CSMD1: variants seen among roughly 807,000 people sequenced by gnomAD.
CSMD1 encodes CUB and sushi domain-containing protein 1.
CSMD1 carries 213 observed loss-of-function variants against 417.5 expected under a neutral mutation model. The ratio of observed to expected loss-of-function variants is 0.51; its 90% CI spans 0.46 to 0.57. CSMD1 has a LOEUF of 0.57. Among genes scored for constraint, CSMD1 ranks in the 20% least tolerant of loss-of-function variants. The pLI is 0.00. For synonymous variants in CSMD1, 2,862 were observed against 1,736.8 expected, an observed-to-expected ratio of 1.65 and a Z score of -16.11; for missense variants, 6,923 against 4,529.7, an observed-to-expected ratio of 1.53 and a Z score of -15.17.
chr8:4,247,794 G>T (rs1292096877), intron 3 of CSMD1, among the ~76,000 whole-genome samples: 2 of 152,106 alleles, frequency 1.3e-5, no homozygotes, highest in African/African-American at 2.4e-5. Context: ...AAAAAGTACT[G>T]TGGGAGCCAA....
At chr8:3,277,193 A>C (rs1802359349) in intron 26 of CSMD1, among the ~76,000 whole-genome samples, 1 of 152,110 alleles carries the variant, frequency 6.6e-6, no homozygotes, top group Non-Finnish European at 1.5e-5. Context: ...AAAATTGCTT[A>C]GGGGAAGTTT....
chr8:3,096,813 C>G (rs368434668), intron 47 of CSMD1, 36 bp downstream of exon 47: 1 of 1,304,714 alleles, frequency 7.7e-7, no homozygotes, highest in Non-Finnish European at 1.1e-6. Flanking sequence ...TCAATGATGC[C>G]GAGGTCACTG....
intron 4 of CSMD1, among the ~76,000 whole-genome samples, chr8:4,017,232 C>T (rs763812957): frequency 1.3e-5 from 2 of 152,132 alleles, no homozygotes; most frequent in Admixed American, 6.5e-5. Flanking sequence ...ATTGTCAGCA[C>T]TATTTTTTTC....
intron 3 of CSMD1, among the ~76,000 whole-genome samples, chr8:4,167,445 C>G (rs1396069132): frequency 1.3e-5 from 2 of 152,074 alleles, no homozygotes; most frequent in Admixed American, 6.6e-5. Flanking sequence ...TGTTAACACA[C>G]TGGAATAGAA....
chr8:3,303,514 G>T (rs10503199), intron 25 of CSMD1, among the ~76,000 whole-genome samples: 5,523 of 152,226 alleles, frequency 0.036, 226 homozygotes, highest in Admixed American at 0.11. Flanking sequence ...TACTGTGCGA[G>T]CTTATTAAAA....
intron 22 of CSMD1, among the ~76,000 whole-genome samples, chr8:3,344,434 C>G (rs142789994): frequency 1.3e-5 from 2 of 152,260 alleles, no homozygotes; most frequent in African/African-American, 4.8e-5. Context: ...ACTTCCTGCA[C>G]ACGTATCCCA....
At chr8:4,902,630 T>C (rs1432834372) in intron 1 of CSMD1, among the ~76,000 whole-genome samples, 1 of 152,224 alleles carries the variant, frequency 6.6e-6, no homozygotes, top group East Asian at 1.9e-4. Context: ...TGATTATCTA[T>C]TTAACTCTTT....
At chr8:3,281,455 C>T (rs899229398) in intron 26 of CSMD1, among the ~76,000 whole-genome samples, 10 of 151,978 alleles carry the variant, frequency 6.6e-5, no homozygotes, top group Middle Eastern at 3.2e-3. Context: ...AGGAAAAAAA[C>T]GGGTAAATAA....
chr8:4,062,805 C>T (rs1405799816), intron 3 of CSMD1, among the ~76,000 whole-genome samples: 2 of 151,474 alleles, frequency 1.3e-5, no homozygotes, highest in African/African-American at 4.8e-5. Context: ...CTGTCAGCAT[C>T]ACGGATGTCT....
At chr8:4,253,624 G>T (rs757018323) in intron 3 of CSMD1, among the ~76,000 whole-genome samples, 12 of 152,094 alleles carry the variant, frequency 7.9e-5, no homozygotes, top group Admixed American at 2.6e-4. Flanking sequence ...TAAAAGACTG[G>T]AGGGAAGGGG....
At chr8:3,939,247 A>G (rs1244778585) in intron 5 of CSMD1, among the ~76,000 whole-genome samples, 1 of 152,034 alleles carries the variant, frequency 6.6e-6, no homozygotes, top group Non-Finnish European at 1.5e-5. Context: ...CATGTTTTAC[A>G]TATGAAAAAA....
intron 3 of CSMD1, among the ~76,000 whole-genome samples, chr8:4,090,909 G>A (rs1370832687): frequency 6.7e-6 from 1 of 149,416 alleles, no homozygotes; most frequent in Admixed American, 6.7e-5. Context: ...ATAAGGGGCA[G>A]TCTTTTTTTT....
rs73658449 is a variant in CSMD1, at chr8:4,191,979, C to T, written c.416-159880G>A. Among the ~76,000 whole-genome samples the T allele has an allele frequency of 8.2e-3, 1,247 of 152,272 alleles. 22 individuals are homozygous for T. Among genetic ancestry groups the T allele is most frequent in the African/African-American group, 0.029 (1,209 of 41,550 alleles). The stretch of plus-strand genomic sequence containing the variant: ...CAGGCAAAACACCCGTAGAGGAACA[C>T]GTCCCTAAGGATTTCACTCGAAATA... On this transcript the variant is annotated intron_variant, in intron 3 of 69. Coordinates refer to ENST00000635120, the MANE Select transcript of CSMD1 (RefSeq NM_033225.6).
chr8:3,592,048 A>T (rs1327297033), intron 8 of CSMD1, among the ~76,000 whole-genome samples: 2 of 152,146 alleles, frequency 1.3e-5, no homozygotes, highest in Non-Finnish European at 2.9e-5. Context: ...AGACGAATAG[A>T]TGGATAGATG....
intron 23 of CSMD1, among the ~76,000 whole-genome samples, chr8:3,320,523 T>G (rs549433193): frequency 6.6e-6 from 1 of 152,216 alleles, no homozygotes; most frequent in Admixed American, 6.5e-5. Flanking sequence ...AGGCTGATAC[T>G]TTTTTTATTC....
intron 10 of CSMD1, among the ~76,000 whole-genome samples, chr8:3,528,071 C>T (rs1484503064): frequency 6.6e-6 from 1 of 152,108 alleles, no homozygotes; most frequent in Non-Finnish European, 1.5e-5. Context: ...AAACCACCCC[C>T]ATATAAGAAC....
chr8:3,565,626 A>T (rs13251586), intron 10 of CSMD1, among the ~76,000 whole-genome samples: 60,482 of 152,046 alleles, frequency 0.4, 12,303 homozygotes, highest in Middle Eastern at 0.49. Flanking sequence ...TAAAAAAACC[A>T]TTGAATCATA....
intron 1 of CSMD1, among the ~76,000 whole-genome samples, chr8:4,856,943 C>A (rs1281811298): frequency 6.6e-6 from 1 of 151,944 alleles, no homozygotes; most frequent in Admixed American, 6.6e-5. Context: ...AACTCTCCAC[C>A]CCAAATCAAC....
intron 1 of CSMD1, among the ~76,000 whole-genome samples, chr8:4,901,840 G>A (rs1348815494): frequency 1.3e-5 from 2 of 151,590 alleles, no homozygotes; most frequent in African/African-American, 4.9e-5. Flanking sequence ...ATCTGAGTGA[G>A]TAGCATCATG....
Sources: gnomAD v4.1 joint callset for allele counts (sites outside exome capture counted in the v4.1 genomes callset) on GRCh38, gnomAD v4.1.1 for gene constraint, MANE v1.5 for transcripts, NCBI Gene and HGNC (gene_info 2026-07-23, HGNC 2026-07-21) for gene names.